The following ACAD11 variants were observed in gnomAD, a reference collection of about 807,000 sequenced individuals.
ACAD11 encodes acyl-CoA dehydrogenase family member 11, also known as acyl-Coenzyme A dehydrogenase family, member 11.
ACAD11 carries 83 observed loss-of-function variants against 102.2 expected under a neutral mutation model. The observed-to-expected ratio is 0.81, with a 90% CI of 0.68 to 0.97. The LOEUF is 0.97. ACAD11 is among the 50% of genes least tolerant of loss of function. The pLI is 0.00. For synonymous variants in ACAD11, 324 were observed against 319.8 expected, an observed-to-expected ratio of 1.01 and a Z score of -0.14; for missense variants, 901 against 951.7, an observed-to-expected ratio of 0.95 and a Z score of 0.70.
chr3:132,612,350 G>A (rs1407875771), intron 11 of ACAD11, among the ~76,000 whole-genome samples: 1 of 151,982 alleles, frequency 6.6e-6, no homozygotes, highest in Non-Finnish European at 1.5e-5. Flanking sequence ...AAAAGCAATG[G>A]CAACAAAAGA....
intron 19 of ACAD11, 51 bp downstream of exon 19, chr3:132,559,782 T>C: frequency 6.8e-7 from 1 of 1,462,778 alleles, no homozygotes; most frequent in Non-Finnish European, 9.4e-7. Flanking sequence ...TGTAGATTTT[T>C]TACCTCCACG....
chr3:132,639,986 A>G (rs913461992), intron 4 of ACAD11, among the ~76,000 whole-genome samples: 1 of 150,782 alleles, frequency 6.6e-6, no homozygotes, highest in African/African-American at 2.5e-5. Context: ...ACACGCACAC[A>G]CACACTCTCT....
intron 13 of ACAD11, among the ~76,000 whole-genome samples, chr3:132,585,771 C>T (rs1332968290): frequency 6.6e-6 from 1 of 152,202 alleles, no homozygotes; most frequent in Admixed American, 6.5e-5. Context: ...CAGAGAAATG[C>T]AAATCGAAAC....
chr3:132,640,288 C>T (rs1157311391), intron 4 of ACAD11, among the ~76,000 whole-genome samples: 1 of 152,068 alleles, frequency 6.6e-6, no homozygotes, highest in Non-Finnish European at 1.5e-5. Context: ...CGGAGTTTCA[C>T]CATATTGGTC....
chr3:132,636,361 A>G (rs1207835176), intron 5 of ACAD11, among the ~76,000 whole-genome samples: 1 of 152,204 alleles, frequency 6.6e-6, no homozygotes, highest in East Asian at 1.9e-4. Context: ...AGTTTTTTAA[A>G]TTATCTTCTT....
intron 7 of ACAD11, 110 bp downstream of exon 7, chr3:132,630,327 T>C (rs1939985326): frequency 8.4e-7 from 1 of 1,192,550 alleles, no homozygotes; most frequent in African/African-American, 1.6e-5. Context: ...GTCATTATGA[T>C]AAGCCAAATG....
intron 1 of ACAD11, among the ~76,000 whole-genome samples, chr3:132,652,565 T>C (rs186432569): frequency 6.2e-4 from 95 of 152,306 alleles, no homozygotes; most frequent in African/African-American, 2.2e-3. Flanking sequence ...TAAATCCATT[T>C]TTTTTTTGCT....
chr3:132,628,503 A>G (rs1226447107), intron 7 of ACAD11, 57 bp from the exon 8 acceptor site: 9 of 1,253,228 alleles, frequency 7.2e-6, no homozygotes, highest in Admixed American at 2.0e-5. Context: ...CAACAATCCA[A>G]TCAATCTTTC....
chr3:132,581,585 G>T (rs778179653), intron 13 of ACAD11, among the ~76,000 whole-genome samples: 2 of 151,930 alleles, frequency 1.3e-5, no homozygotes, highest in Non-Finnish European at 2.9e-5. Context: ...GTGTGTATAT[G>T]TAAGGGGAAG....
intron 14 of ACAD11, 59 bp downstream of exon 14, chr3:132,579,433 G>T: frequency 7.3e-7 from 1 of 1,361,526 alleles, no homozygotes; most frequent in Non-Finnish European, 1.0e-6. Flanking sequence ...AAATTACCTA[G>T]ATAGGAGGAA....
At chr3:132,601,635 A>AATTTCATGTACAATGT in intron 13 of ACAD11, 1 of 534,478 alleles carries the variant, frequency 1.9e-6, no homozygotes, top group Admixed American at 3.2e-5. Flanking sequence ...AAATGTACAA[A>AATTTCATGTACAATGT]ACATGAAAAT....
chr3:132,623,044 T>G (rs930126309), intron 9 of ACAD11, among the ~76,000 whole-genome samples: 1 of 152,220 alleles, frequency 6.6e-6, no homozygotes, highest in Non-Finnish European at 1.5e-5. Flanking sequence ...CATTTTAAAT[T>G]GGCTTAAACT....
intron 11 of ACAD11, among the ~76,000 whole-genome samples, chr3:132,607,301 G>A (rs1279474739): frequency 6.6e-6 from 1 of 152,200 alleles, no homozygotes; most frequent in African/African-American, 2.4e-5. Flanking sequence ...GTAGGCTTCA[G>A]AAGGTGAGTA....
intron 11 of ACAD11, 31 bp downstream of exon 11, chr3:132,618,602 GA>G: frequency 6.6e-7 from 1 of 1,507,858 alleles, no homozygotes; most frequent in East Asian, 2.5e-5. Flanking sequence ...CAAAATATTA[GA>G]AAAAATTATG....
intron 11 of ACAD11, among the ~76,000 whole-genome samples, chr3:132,608,106 C>A (rs1046589776): frequency 6.6e-6 from 1 of 152,130 alleles, no homozygotes; most frequent in Non-Finnish European, 1.5e-5. Context: ...GCCTGTCTTA[C>A]AACAGCTCCT....
At chr3:132,654,743 G>T (rs1937690655) in intron 1 of ACAD11, 1 of 152,216 alleles carries the variant, frequency 6.6e-6, no homozygotes, top group African/African-American at 2.4e-5. Flanking sequence ...AATACTTGCT[G>T]TGTTTCCCTT....
chr3:132,591,706 C>A lies in ACAD11; in HGVS notation c.1621+11523G>T, dbSNP rs145007568. ...AGAGTTTGAAACCAGCCCGGGCAAC[C>A]TAGCGACACCTCGTCTATACAAAAA... On this transcript the variant is annotated intron_variant, in intron 13 of 19. Transcript: ENST00000264990. 3.8e-3 allele frequency among the ~76,000 whole-genome samples: 584 copies of A among 151,974 alleles called. 6 individuals are homozygous for A. The highest frequency in any genetic ancestry group is 0.013 in the African/African-American group (522 of 41,452).
At chr3:132,618,372 C>CA in intron 11 of ACAD11, 1 of 389,450 alleles carries the variant, frequency 2.6e-6, no homozygotes. Context: ...ATCCATGATC[C>CA]ATGATCCTTA....
intron 12 of ACAD11, among the ~76,000 whole-genome samples, chr3:132,604,083 T>C (rs1274211725): frequency 6.6e-6 from 1 of 152,226 alleles, no homozygotes; most frequent in Non-Finnish European, 1.5e-5. Context: ...AATAAATGCC[T>C]ATTACTGATT....
Sources: allele counts gnomAD v4.1 joint callset (sites outside exome capture counted in the v4.1 genomes callset), GRCh38; gene constraint gnomAD v4.1.1; transcripts MANE v1.5; gene names NCBI Gene and HGNC (gene_info 2026-07-23, HGNC 2026-07-21).